ARHGAP8: variants seen among roughly 807,000 people sequenced by gnomAD.
ARHGAP8 encodes the protein Rho GTPase activating protein 8.
In ARHGAP8, 62 loss-of-function variants were observed where a neutral mutation model predicts 46.1. That is an observed-to-expected ratio of 1.34 (90% CI 1.10 to 1.66). The LOEUF (loss-of-function observed/expected upper bound fraction) is 1.66. Ranked by LOEUF, ARHGAP8 falls within the 40% of genes most tolerant of loss-of-function variation. The pLI is 0.00. For synonymous variants in ARHGAP8, 375 were observed against 243.1 expected (o/e 1.54, Z -5.05); for missense variants, 923 against 568.4 (o/e 1.62, Z -6.34).
chr22:44,849,267 A>T, intron 10 of ARHGAP8: 1 of 983,266 alleles, frequency 1.0e-6, no homozygotes, highest in Non-Finnish European at 1.4e-6. Context: ...AAGGCAGAGG[A>T]GGTGGGGTCG....
At chr22:44,841,055 C>A (rs11703723) in intron 7 of ARHGAP8, among the ~76,000 whole-genome samples, 10,493 of 152,128 alleles carry the variant, frequency 0.069, 600 homozygotes, top group Middle Eastern at 0.18. Flanking sequence ...AGGGGAGTCC[C>A]GTTTACATTT....
intron 10 of ARHGAP8, among the ~76,000 whole-genome samples, chr22:44,855,486 T>C (rs1376784040): frequency 1.3e-5 from 2 of 152,162 alleles, no homozygotes; most frequent in South Asian, 4.1e-4. Flanking sequence ...TCTTATAACT[T>C]TCATACATAG....
At chr22:44,803,731 A>G (rs1253011861) in intron 3 of ARHGAP8, among the ~76,000 whole-genome samples, 2 of 73,064 alleles carry the variant, frequency 2.7e-5, no homozygotes, top group East Asian at 1.0e-3. Context: ...ACCTCCTCTC[A>G]TGCACCCACC....
chr22:44,861,415 C>T (rs1239481367), intron 11 of ARHGAP8, among the ~76,000 whole-genome samples: 3 of 152,188 alleles, frequency 2.0e-5, no homozygotes, highest in Admixed American at 6.5e-5. Context: ...GGAGGGGTGG[C>T]CTGCAGTGGG....
intron 7 of ARHGAP8, among the ~76,000 whole-genome samples, chr22:44,838,533 C>A (rs1346769765): frequency 6.6e-6 from 1 of 152,178 alleles, no homozygotes; most frequent in East Asian, 1.9e-4. Context: ...CCCGGCCTCC[C>A]AAAGTGCTAG....
chr22:44,807,242 A>G (rs1387105538), intron 3 of ARHGAP8, among the ~76,000 whole-genome samples: 1 of 152,168 alleles, frequency 6.6e-6, no homozygotes, highest in Non-Finnish European at 1.5e-5. Context: ...CAGGCCCTGC[A>G]GAGTGCTGGT....
intron 1 of ARHGAP8, among the ~76,000 whole-genome samples, chr22:44,782,910 C>A (rs537821106): frequency 6.6e-6 from 1 of 152,156 alleles, no homozygotes; most frequent in African/African-American, 2.4e-5. Context: ...TTCCACGGCA[C>A]GCTTTAGCAC....
chr22:44,815,693 T>C (rs1236544061), intron 5 of ARHGAP8, among the ~76,000 whole-genome samples: 3 of 152,164 alleles, frequency 2.0e-5, no homozygotes, highest in Non-Finnish European at 4.4e-5. Flanking sequence ...TTTAGACTTG[T>C]TCCTGCTAAA....
chr22:44,775,652 G>T (rs1049783255), intron 1 of ARHGAP8, among the ~76,000 whole-genome samples: 1 of 151,880 alleles, frequency 6.6e-6, no homozygotes, highest in Non-Finnish European at 1.5e-5. Context: ...GTTTCATCAT[G>T]TCGGCTGGGC....
At chr22:44,845,691 A>G (rs2069937017) in intron 8 of ARHGAP8, among the ~76,000 whole-genome samples, 1 of 152,208 alleles carries the variant, frequency 6.6e-6, no homozygotes, top group Admixed American at 6.5e-5. Flanking sequence ...GTCTGTAGGA[A>G]GCCCTCTCGA....
At chr22:44,849,215 T>C in intron 10 of ARHGAP8, 155 bp downstream of exon 10, 5 of 1,407,818 alleles carry the variant, frequency 3.6e-6, no homozygotes, top group East Asian at 2.4e-5. Context: ...GAGGGGGTTG[T>C]TGGGGCTGCC....
At chr22:44,776,385 G>A (rs1926420256) in intron 1 of ARHGAP8, among the ~76,000 whole-genome samples, 1 of 151,586 alleles carries the variant, frequency 6.6e-6, no homozygotes, top group Admixed American at 6.6e-5. Context: ...CTGGGAGGCG[G>A]ACATTGCAGT....
intron 1 of ARHGAP8, among the ~76,000 whole-genome samples, chr22:44,775,608 C>T (rs983807637): frequency 2.4e-4 from 36 of 152,048 alleles, no homozygotes; most frequent in African/African-American, 6.5e-4. Flanking sequence ...CCACCACGCC[C>T]GGCTAATTTT....
At chr22:44,767,218 C>T (rs1048577943) in intron 1 of ARHGAP8, among the ~76,000 whole-genome samples, 1 of 152,176 alleles carries the variant, frequency 6.6e-6, no homozygotes, top group African/African-American at 2.4e-5. Flanking sequence ...TCTGCTCCCT[C>T]CCTCCTTCCC....
chr22:44,762,453 T>C (rs1395474344), intron 1 of ARHGAP8, among the ~76,000 whole-genome samples: 1 of 151,174 alleles, frequency 6.6e-6, no homozygotes, highest in African/African-American at 2.4e-5. Flanking sequence ...AAAAAAAATC[T>C]TTGTTAGGTC....
chr22:44,776,089 C>T lies in ARHGAP8; in HGVS notation c.-71-10368C>T, dbSNP rs543036383. 2.6e-5 allele frequency among the ~76,000 whole-genome samples: 4 copies of T among 152,286 alleles called. No individual in the cohort carries two copies. The East Asian group carries it at 5.8e-4, about 22-fold the overall frequency. On this transcript the variant is annotated intron_variant, in intron 1 of 11. Transcript: ENST00000356099. ...CAAGCTGTAGTCTAAAACTTCACGG[C>T]ACTTCCCATCCCCTGAAGATGTCAC...
chr22:44,756,321 AC>A (rs1009313677), intron 1 of ARHGAP8, among the ~76,000 whole-genome samples: 1 of 151,968 alleles, frequency 6.6e-6, no homozygotes, highest in Admixed American at 6.6e-5. Flanking sequence ...GGAAAGGTTG[AC>A]CCCGTGTGGC....
In ARHGAP8 at chr22:44,862,354, C is replaced by G. The variant is rs143738031; in HGVS notation, c.1061C>G (p.Ser354Cys). ...TTCGGGCTGAATTTGATCTGGCCAT[C>G]CCAGGGGGTCTCCTCCCTGAGTGCC... is the stretch of plus-strand genomic sequence containing the variant. ...CVFGLNLIWP[S>C]QGVSSLSALV... Residue 354 changes from serine to cysteine, a missense_variant, in exon 12 of 12, where the codon TCC becomes TGC. Physicochemically the swap from Ser to Cys is moderately radical, Grantham distance 112. Coordinates refer to ENST00000356099, the MANE Select transcript of ARHGAP8 (RefSeq NM_181335.3). The G allele has an allele frequency of 3.5e-4, 564 of 1,614,126 alleles. 1 individual carries two copies. Among genetic ancestry groups the G allele is most frequent in the Non-Finnish European group, 4.1e-4 (485 of 1,179,992 alleles).
intron 4 of ARHGAP8, among the ~76,000 whole-genome samples, chr22:44,813,857 G>A (rs368955458): frequency 3.3e-5 from 5 of 151,998 alleles, no homozygotes; most frequent in African/African-American, 7.3e-5. Context: ...ACTTACATAC[G>A]TCTACACACA....
Sources: gnomAD v4.1 joint callset for allele counts (sites outside exome capture counted in the v4.1 genomes callset) on GRCh38, gnomAD v4.1.1 for gene constraint, MANE v1.5 for transcripts, NCBI Gene and HGNC (gene_info 2026-07-23, HGNC 2026-07-21) for gene names.